The following MT1E variants were observed in gnomAD, a reference collection of about 807,000 sequenced individuals.
MT1E encodes metallothionein-1E.
In MT1E, 1 loss-of-function variant was observed where a neutral mutation model predicts 2.4. That is an observed-to-expected ratio of 0.41 (90% CI 0.15 to 1.97). The LOEUF (loss-of-function observed/expected upper bound fraction) is 1.97, where lower values mean the gene tolerates loss of function less well. MT1E is among the 30% of genes most tolerant of loss of function. The probability of loss-of-function intolerance (pLI) is 0.30; values close to 1 mark genes in which losing one functional copy is unlikely to be tolerated. For synonymous variants in MT1E, 78 were observed against 63.0 expected, an observed-to-expected ratio of 1.24 and a Z score of -1.13; for missense variants, 145 against 149.6, an observed-to-expected ratio of 0.97 and a Z score of 0.16.
rs1418851853 is a variant in MT1E, at chr16:56,625,804, T to G, written c.-48T>G. The G allele has an allele frequency of 6.2e-7, 1 of 1,610,602 alleles. No homozygotes were observed. Among genetic ancestry groups the G allele is most frequent in the Non-Finnish European group, 8.5e-7 (1 of 1,178,328 alleles). ...CCATTCTGCTTTCCAACTGCCTGAC[T>G]GCTTGTTCGTCTCACTGGTGTGAGC... On this transcript the variant is annotated 5_prime_UTR_variant, in exon 1 of 2. Coordinates refer to ENST00000330439, the MANE Select transcript of MT1E (RefSeq NM_001363555.2).
chr16:56,626,444 TG>T (rs771332428), intron 1 of MT1E, 21 bp from the exon 2 acceptor site: 9 of 1,614,120 alleles, frequency 5.6e-6, no homozygotes, highest in Non-Finnish European at 7.6e-6. Flanking sequence ...CACTGCCCAC[TG>T]CGTTTTCCTC....
At chr16:56,626,381 G>T (rs745899903) in intron 1 of MT1E, 85 bp from the exon 2 acceptor site, 9 of 1,596,144 alleles carry the variant, frequency 5.6e-6, no homozygotes, top group Non-Finnish European at 7.7e-6. Flanking sequence ...CCTGCACAGA[G>T]GAGGGGGCAC....
Position 56,626,636 on chromosome 16 carries a change from C to T in MT1E, c.199C>T (p.Pro67Ser), listed in dbSNP as rs183723612. The T allele has an allele frequency of 1.0e-3, 1,615 of 1,610,892 alleles. No individual in the cohort carries two copies. Among genetic ancestry groups the T allele is most frequent in the Non-Finnish European group, 1.3e-3 (1,521 of 1,178,436 alleles). The change falls in exon 2 of 2, where the codon CCC becomes TCC. Residue 67 changes from proline (P) to serine (S), a missense_variant. By Grantham distance (74) the Pro-to-Ser change is moderately conservative. Transcript: ENST00000330439. ...ASFWGTGLSL[P>S]SLPVSFPLQA... The stretch of plus-strand genomic sequence containing the variant: ...CTTCTGGGGAACTGGGCTTTCTTTG[C>T]CCTCATTGCCCGTGTCATTCCCTCT...
rs763839346 is a variant in MT1E at position 56,626,803 on chromosome 16, G to A, written c.366G>A (p.Ser122=). Residue 122 remains serine (S), a synonymous_variant, in exon 2 of 2, where the codon TCG becomes TCA. Coordinates refer to ENST00000330439, the MANE Select transcript of MT1E (RefSeq NM_001363555.2). ...KSILWVWVLS[S]SQACY is the part of the protein sequence containing the mutation. ...TCCTCTGGGTCTGGGTTCTGAGCTC[G>A]AGCCAGGCTTGCTATTAGGGCAGGG... 4 of 1,614,026 alleles carry A rather than the reference G, an allele frequency of 2.5e-6. No homozygotes were observed. The highest frequency in any genetic ancestry group is 2.2e-5 in the South Asian group (2 of 91,070).
chr16:56,626,508 G>A lies in MT1E; in HGVS notation c.71G>A (p.Cys24Tyr), dbSNP rs1156707884. 1.2e-6 allele frequency: 2 copies of A among 1,614,154 alleles called. No homozygotes were observed. The highest frequency in any genetic ancestry group is 1.7e-6 in the Non-Finnish European group (2 of 1,180,054). The part of the protein sequence containing the change: ...TCAGSCKCKE[C>Y]KCTSCKKSEC... ...GCCGGCTCCTGCAAGTGCAAAGAGT[G>A]CAAATGCACCTCCTGCAAGAAGAGT... The change falls in exon 2 of 2, where the codon TGC (cysteine) becomes TAC (tyrosine). Residue 24 changes from cysteine (C) to tyrosine (Y), a missense_variant. By Grantham distance (194) the Cys-to-Tyr change is radical. Transcript: ENST00000330439.
Position 56,626,884 on chromosome 16 carries a change from C to A in MT1E, c.*63C>A, listed in dbSNP as rs1027959216. ...CACTCTCCCCTTCTTCCCCAGGCTG[C>A]TGTTCCTGCTGCCCCGTGGGCTGTG... On this transcript the variant is annotated 3_prime_UTR_variant, in exon 2 of 2. Coordinates refer to ENST00000330439, the MANE Select transcript of MT1E (RefSeq NM_001363555.2). 1.2e-6 allele frequency: 2 copies of A among 1,614,238 alleles called. No homozygotes were observed. The highest frequency in any genetic ancestry group is 3.3e-5 in the Admixed American group (2 of 60,032).
chr16:56,626,854 C>A lies in MT1E; in HGVS notation c.*33C>A, dbSNP rs771351404. The A allele has an allele frequency of 1.2e-6, 2 of 1,614,218 alleles. No homozygotes were observed. Among genetic ancestry groups the A allele is most frequent in the Admixed American group, 3.3e-5 (2 of 60,020 alleles). The stretch of plus-strand genomic sequence containing the variant: ...AGGTGCCCGGTCAAGTCTACTGCCA[C>A]CTCTCACTCTCCCCTTCTTCCCCAG... On this transcript the variant is annotated 3_prime_UTR_variant, in exon 2 of 2. Coordinates refer to ENST00000330439, the MANE Select transcript of MT1E (RefSeq NM_001363555.2).
chr16:56,626,718 C>T lies in MT1E; in HGVS notation c.281C>T (p.Thr94Ile). 1 of 1,594,324 alleles carries T rather than the reference C, an allele frequency of 6.3e-7. No individual in the cohort carries two copies. Among genetic ancestry groups the T allele is most frequent in the Non-Finnish European group, 8.5e-7 (1 of 1,170,610 alleles). ...WGRTAFFSWD[T>I]NPNCTPYGFR... ...AGGACAGCATTTTTCTCGTGGGACA[C>T]AAACCCCAACTGTACCCCCTATGGT... Residue 94 changes from threonine to isoleucine, a missense_variant, in exon 2 of 2, where the codon ACA becomes ATA. Thr to Ile is a moderately conservative substitution (Grantham distance 89). Coordinates refer to ENST00000330439, the MANE Select transcript of MT1E (RefSeq NM_001363555.2).
chr16:56,626,669 T>A lies in MT1E; in HGVS notation c.232T>A (p.Phe78Ile), dbSNP rs763122856. The A allele has an allele frequency of 6.3e-7, 1 of 1,597,492 alleles. No individual in the cohort carries two copies. Among genetic ancestry groups the A allele is most frequent in the South Asian group, 1.1e-5 (1 of 89,948 alleles). Residue 78 changes from phenylalanine to isoleucine, a missense_variant, in exon 2 of 2, where the codon TTC becomes ATC. By Grantham distance (21) the Phe-to-Ile change is conservative. Coordinates refer to ENST00000330439, the MANE Select transcript of MT1E (RefSeq NM_001363555.2). Reference sequence around the variant, plus strand: ...GCCCGTGTCATTCCCTCTCCAGGCTTTCTGCCCTAAATTCAGATGGGGCAG... The same window carrying A: ...GCCCGTGTCATTCCCTCTCCAGGCTATCTGCCCTAAATTCAGATGGGGCAG... Reference protein sequence around the residue: ...SLPVSFPLQAFCPKFRWGRTA... With the variant: ...SLPVSFPLQAICPKFRWGRTA...
chr16:56,625,975 G>A (rs1960202752), intron 1 of MT1E, 96 bp downstream of exon 1: 1 of 1,400,792 alleles, frequency 7.1e-7, no homozygotes, highest in Non-Finnish European at 1.0e-6. Flanking sequence ...TCTGAGCGAC[G>A]GGGACTCCAG....
At chr16:56,625,992 G>T in intron 1 of MT1E, 113 bp downstream of exon 1, 1 of 1,237,106 alleles carries the variant, frequency 8.1e-7, no homozygotes, top group Non-Finnish European at 1.2e-6. Context: ...CCAGTACTTC[G>T]TTAGATGCTT....
chr16:56,626,524 C>G lies in MT1E; in HGVS notation c.87C>G (p.Cys29Trp). The change falls in exon 2 of 2, where the codon TGC (cysteine) becomes TGG (tryptophan). Residue 29 changes from cysteine to tryptophan, a missense_variant. Transcript: ENST00000330439. ...CKCKECKCTS[C>W]KKSECGAISR... Reference sequence around the variant, plus strand: ...GCAAAGAGTGCAAATGCACCTCCTGCAAGAAGAGTGAGTGCGGGGCCATCT... The same window carrying G: ...GCAAAGAGTGCAAATGCACCTCCTGGAAGAAGAGTGAGTGCGGGGCCATCT... 1 of 1,614,232 alleles carries G rather than the reference C, an allele frequency of 6.2e-7. No individual in the cohort carries two copies. Among genetic ancestry groups the G allele is most frequent in the Non-Finnish European group, 8.5e-7 (1 of 1,180,038 alleles).
rs772764943 is a variant in MT1E, at chr16:56,627,004, G to A, written c.*183G>A. 4 of 1,612,204 alleles carry A rather than the reference G, an allele frequency of 2.5e-6. No homozygotes were observed. The South Asian group carries it at 4.4e-5, about 18-fold the overall frequency. On this transcript the variant is annotated 3_prime_UTR_variant, in exon 2 of 2. Transcript: ENST00000330439. ...ACAGCTCTTCTCCCAGATGTAAATA[G>A]AACAACCTGCACAACCTGGATTTTT...
chr16:56,626,590 A>T lies in MT1E; in HGVS notation c.153A>T (p.Ser51=). Residue 51 remains serine, a synonymous_variant, in exon 2 of 2, where the codon TCA becomes TCT. Transcript: ENST00000330439. ...TGTGGCTCAGGTTGGGAGGGAACTCAAGGCTGGCCCTGAGTGCATCCTTCT... is the reference window on the plus strand; with the variant it reads ...TGTGGCTCAGGTTGGGAGGGAACTCTAGGCTGGCCCTGAGTGCATCCTTCT... ...LGLWLRLGGN[S]RLALSASFWG... 1 of 1,614,176 alleles carries T rather than the reference A, an allele frequency of 6.2e-7. No homozygotes were observed. Among genetic ancestry groups the T allele is most frequent in the Non-Finnish European group, 8.5e-7 (1 of 1,180,010 alleles).
Position 56,626,610 on chromosome 16 carries a change from C to G in MT1E, c.173C>G (p.Ser58Cys), listed in dbSNP as rs568584689. ...AACTCAAGGCTGGCCCTGAGTGCAT[C>G]CTTCTGGGGAACTGGGCTTTCTTTG... The part of the protein sequence containing the change: ...GGNSRLALSA[S>C]FWGTGLSLPS... The change falls in exon 2 of 2, where the codon TCC becomes TGC. Residue 58 changes from serine (S) to cysteine (C), a missense_variant. Physicochemically the swap from Ser to Cys is moderately radical, Grantham distance 112. Transcript: ENST00000330439. The G allele has an allele frequency of 6.2e-7, 1 of 1,614,034 alleles. No individual in the cohort carries two copies. The highest frequency in any genetic ancestry group is 1.7e-5 in the Admixed American group (1 of 59,992).
In MT1E at chr16:56,626,532, G is replaced by A; in HGVS notation, c.95G>A (p.Ser32Asn). The change falls in exon 2 of 2, where the codon AGT (serine) becomes AAT (asparagine). Residue 32 changes from serine (S) to asparagine (N), a missense_variant. Transcript: ENST00000330439. The stretch of plus-strand genomic sequence containing the variant: ...TGCAAATGCACCTCCTGCAAGAAGA[G>A]TGAGTGCGGGGCCATCTCCAGGAAT... Reference protein sequence around the residue: ...KECKCTSCKKSECGAISRNLG... With the variant: ...KECKCTSCKKNECGAISRNLG... 6.2e-7 allele frequency: 1 copy of A among 1,614,286 alleles called. No individual in the cohort carries two copies. Among genetic ancestry groups the A allele is most frequent in the Middle Eastern group, 1.6e-4 (1 of 6,062 alleles).
Position 56,626,665 on chromosome 16 carries a change from G to A in MT1E, c.228G>A (p.Gln76=), listed in dbSNP as rs1334753830. The change falls in exon 2 of 2, where the codon CAG becomes CAA. Residue 76 remains glutamine, a synonymous_variant. Coordinates refer to ENST00000330439, the MANE Select transcript of MT1E (RefSeq NM_001363555.2). ...CATTGCCCGTGTCATTCCCTCTCCA[G>A]GCTTTCTGCCCTAAATTCAGATGGG... The part of the protein sequence containing the change: ...LPSLPVSFPL[Q]AFCPKFRWGR... 3 of 1,599,168 alleles carry A rather than the reference G, an allele frequency of 1.9e-6. No individual in the cohort carries two copies. Among genetic ancestry groups the A allele is most frequent in the Non-Finnish European group, 2.6e-6 (3 of 1,172,660 alleles).
At chr16:56,625,906 C>T in intron 1 of MT1E, 27 bp downstream of exon 1, 1 of 1,613,878 alleles carries the variant, frequency 6.2e-7, no homozygotes, top group South Asian at 1.1e-5. Flanking sequence ...GCCCTGGAAT[C>T]CCCATTTCCC....
intron 1 of MT1E, 71 bp downstream of exon 1, chr16:56,625,950 A>C: frequency 6.3e-7 from 1 of 1,590,600 alleles, no homozygotes; most frequent in Non-Finnish European, 8.6e-7. Context: ...GGTTTCAGGA[A>C]GTCGCATTTT....
Sources: gnomAD v4.1 joint callset for allele counts on GRCh38, gnomAD v4.1.1 for gene constraint, MANE v1.5 for transcripts, NCBI Gene and HGNC (gene_info 2026-07-23, HGNC 2026-07-21) for gene names.